The following VPS41 variants were observed in gnomAD, a reference collection of about 807,000 sequenced individuals.
The protein encoded by VPS41 is VPS41 subunit of HOPS complex.
In VPS41, 85 loss-of-function variants were observed where a neutral mutation model predicts 130.9. The observed-to-expected ratio is 0.65, with a 90% CI of 0.55 to 0.78. The LOEUF (loss-of-function observed/expected upper bound fraction) is 0.78. VPS41 is among the 30% of genes least tolerant of loss of function. The pLI is 0.00. For synonymous variants in VPS41, 335 were observed against 332.9 expected (o/e 1.01, Z -0.07); for missense variants, 874 against 1,018.7 (o/e 0.86, Z 1.93).
intron 22 of VPS41, among the ~76,000 whole-genome samples, chr7:38,746,754 A>G (rs1409039699): frequency 6.6e-6 from 1 of 152,106 alleles, no homozygotes; most frequent in Non-Finnish European, 1.5e-5. Context: ...CACGACTTAC[A>G]AGGCATCCAC....
chr7:38,780,809 C>T (rs535334798), intron 10 of VPS41, among the ~76,000 whole-genome samples: 1 of 152,284 alleles, frequency 6.6e-6, no homozygotes, highest in South Asian at 2.1e-4. Flanking sequence ...ATCATGGGAA[C>T]GGATTTCTCA....
intron 22 of VPS41, chr7:38,745,850 T>C (rs1795975633): frequency 9.2e-6 from 4 of 434,754 alleles, no homozygotes; most frequent in Admixed American, 4.3e-5. Flanking sequence ...GAACATTTCA[T>C]GAGCAAGAGT....
chr7:38,855,440 C>T lies in VPS41; in HGVS notation c.246+7105G>A, dbSNP rs988340004. ...TGATTTATATTAGAAATAAATTCTT[C>T]GCAGCCAAAGAAAGCAACAAAAGGT... On this transcript the variant is annotated intron_variant, in intron 4 of 28. Transcript: ENST00000310301. 3.3e-5 allele frequency among the ~76,000 whole-genome samples: 5 copies of T among 152,178 alleles called. 1 individual carries two copies. The highest frequency in any genetic ancestry group is 2.1e-4 in the South Asian group (1 of 4,826).
At chr7:38,831,706 T>C (rs1387224761) in intron 4 of VPS41, among the ~76,000 whole-genome samples, 1 of 152,246 alleles carries the variant, frequency 6.6e-6, no homozygotes, top group Non-Finnish European at 1.5e-5. Context: ...GATCTGTTAT[T>C]CAACCCCAGA....
chr7:38,847,399 T>A (rs1237688102), intron 4 of VPS41, among the ~76,000 whole-genome samples: 1 of 152,154 alleles, frequency 6.6e-6, no homozygotes, highest in Non-Finnish European at 1.5e-5. Flanking sequence ...CTTCCTTTTT[T>A]CCCAGAGAAC....
rs180853875 is a variant in VPS41 at position 38,884,312 on chromosome 7, A to T, written c.60+13779T>A. Among the ~76,000 whole-genome samples, 6 of 152,312 alleles carry T rather than the reference A, an allele frequency of 3.9e-5. No homozygotes were observed. In the East Asian group the frequency reaches 1.2e-3, roughly 29 times the overall value. On this transcript the variant is annotated intron_variant, in intron 2 of 28. Coordinates refer to ENST00000310301, the MANE Select transcript of VPS41 (RefSeq NM_014396.4). The stretch of plus-strand genomic sequence containing the variant: ...CATTTTAAAATTAATTTCTCATTCA[A>T]CTAAATAGCATACAGGTTTATTTTA...
intron 17 of VPS41, among the ~76,000 whole-genome samples, chr7:38,760,662 G>T (rs1305541806): frequency 6.6e-6 from 1 of 151,936 alleles, no homozygotes; most frequent in African/African-American, 2.4e-5. Context: ...AAAAAGCACA[G>T]GACACAGACC....
At chr7:38,780,853 A>C (rs148538496) in intron 10 of VPS41, among the ~76,000 whole-genome samples, 1 of 152,258 alleles carries the variant, frequency 6.6e-6, no homozygotes, top group East Asian at 1.9e-4. Context: ...TTTTAGCACA[A>C]TCCTCTTGGT....
intron 22 of VPS41, among the ~76,000 whole-genome samples, chr7:38,748,749 T>C (rs966349560): frequency 6.6e-6 from 1 of 151,960 alleles, no homozygotes; most frequent in Non-Finnish European, 1.5e-5. Context: ...CTAGGAAATA[T>C]CTTATTTCCA....
At chr7:38,732,531 A>C (rs1795685417) in intron 25 of VPS41, among the ~76,000 whole-genome samples, 1 of 152,162 alleles carries the variant, frequency 6.6e-6, no homozygotes, top group African/African-American at 2.4e-5. Flanking sequence ...GGATATTTTG[A>C]TTAAAATTTT....
chr7:38,869,135 T>G lies in VPS41; in HGVS notation c.168+11A>C. ...AATTTACAGAAGAATCCTCTGAAAG[T>G]GCTATCTTACCTTGTCATGGACTGT... On this transcript the variant is annotated intron_variant, in intron 3 of 28. Transcript: ENST00000310301. The G allele has an allele frequency of 6.6e-6, 10 of 1,525,394 alleles. No individual in the cohort carries two copies. Among genetic ancestry groups the G allele is most frequent in the Non-Finnish European group, 8.9e-6 (10 of 1,125,306 alleles). 94.5% of individuals were successfully genotyped at this position (1,525,394 alleles called of 1,614,324 possible).
chr7:38,855,962 G>A (rs1785973034), intron 4 of VPS41, among the ~76,000 whole-genome samples: 1 of 152,130 alleles, frequency 6.6e-6, no homozygotes, highest in South Asian at 2.1e-4. Flanking sequence ...TTTGGAGACT[G>A]GAGGTCCTCA....
intron 4 of VPS41, among the ~76,000 whole-genome samples, chr7:38,844,492 G>A (rs1264682230): frequency 6.6e-6 from 1 of 151,850 alleles, no homozygotes; most frequent in Admixed American, 6.6e-5. Flanking sequence ...GAATATAAAC[G>A]TCCTTGATTA....
rs1455024488 is a variant in VPS41, at chr7:38,821,701, C to T, written c.322-436G>A. 1.4e-4 allele frequency among the ~76,000 whole-genome samples: 10 copies of T among 71,416 alleles called. No individual in the cohort carries two copies. In the East Asian group the frequency reaches 2.0e-3, roughly 14 times the overall value. The allele number at this position is 71,416 out of a possible 152,430, so 46.9% of individuals were successfully genotyped here. The stretch of plus-strand genomic sequence containing the variant: ...CAGCATGGGTGACAGAGTGAGACTC[C>T]GTCTCAAAAAAAAAAAAAAAGAAAA... On this transcript the variant is annotated intron_variant, in intron 5 of 28. Coordinates refer to ENST00000310301, the MANE Select transcript of VPS41 (RefSeq NM_014396.4).
intron 3 of VPS41, among the ~76,000 whole-genome samples, chr7:38,865,260 A>G (rs1478718783): frequency 6.6e-6 from 1 of 152,190 alleles, no homozygotes; most frequent in Non-Finnish European, 1.5e-5. Context: ...TTAAATAGAA[A>G]CATGGACTTC....
At chr7:38,853,214 T>C (rs572792333) in intron 4 of VPS41, among the ~76,000 whole-genome samples, 114 of 151,946 alleles carry the variant, frequency 7.5e-4, no homozygotes, top group Non-Finnish European at 1.4e-3. Context: ...GATCAGGAGA[T>C]CAAGACCATC....
intron 1 of VPS41, among the ~76,000 whole-genome samples, chr7:38,901,871 A>G (rs937423727): frequency 6.6e-6 from 1 of 151,980 alleles, no homozygotes; most frequent in African/African-American, 2.4e-5. Context: ...TGTCTCTACA[A>G]AAAAAAATGT....
intron 6 of VPS41, among the ~76,000 whole-genome samples, chr7:38,818,132 G>A (rs530259348): frequency 2.0e-5 from 3 of 152,096 alleles, no homozygotes; most frequent in Admixed American, 1.3e-4. Context: ...TCTGGCTGAG[G>A]ACCCCTATAA....
At chr7:38,801,644 G>T (rs1419786073) in intron 7 of VPS41, among the ~76,000 whole-genome samples, 1 of 152,100 alleles carries the variant, frequency 6.6e-6, no homozygotes, top group East Asian at 1.9e-4. Context: ...GGTCACACTG[G>T]TTTTCTCACT....
Sources: allele counts gnomAD v4.1 joint callset (sites outside exome capture counted in the v4.1 genomes callset), GRCh38; gene constraint gnomAD v4.1.1; transcripts MANE v1.5; gene names NCBI Gene and HGNC (gene_info 2026-07-23, HGNC 2026-07-21).